SLC5A2: variants seen among roughly 807,000 people sequenced by gnomAD.
The protein encoded by SLC5A2 is solute carrier family 5 member 2.
A neutral mutation model predicts 69.0 loss-of-function variants in SLC5A2; 67 were observed. The observed-to-expected ratio is 0.97, with a 90% CI of 0.80 to 1.19. The LOEUF is 1.19. Among genes scored for constraint, SLC5A2 ranks in the 50% most tolerant of loss-of-function variants. The pLI is 0.00. For missense variants in SLC5A2, 1,001 were observed against 921.5 expected, an observed-to-expected ratio of 1.09 and a Z score of -1.12; for synonymous variants, 455 against 395.8, an observed-to-expected ratio of 1.15 and a Z score of -1.78.
rs765182281 is a variant in SLC5A2, at chr16:31,489,280, G to C, written c.1607G>C (p.Cys536Ser). The C allele has an allele frequency of 4.3e-6, 7 of 1,610,894 alleles. No individual in the cohort carries two copies. Among genetic ancestry groups the C allele is most frequent in the Non-Finnish European group, 5.1e-6 (6 of 1,180,016 alleles). Residue 536 changes from cysteine to serine, a missense_variant, in exon 12 of 14, where the codon TGC (cysteine) becomes TCC (serine). Physicochemically the swap from Cys to Ser is moderately radical, Grantham distance 112. Coordinates refer to ENST00000330498, the MANE Select transcript of SLC5A2 (RefSeq NM_003041.4). ...YLYFAIVLFF[C>S]SGLLTLTVSL... ...TACTTCGCCATTGTGCTGTTCTTCT[G>C]CTCTGGCCTCCTCACCCTCACGGTC...
At chr16:31,490,054 G>A (rs1446706037) in intron 12 of SLC5A2, 50 bp from the exon 13 acceptor site, 3 of 1,610,952 alleles carry the variant, frequency 1.9e-6, no homozygotes, top group African/African-American at 2.7e-5. Context: ...TTTAGGGCCA[G>A]GCATGGGGGG....
rs142276161 is a variant in SLC5A2 at position 31,489,206 on chromosome 16, T to C, written c.1533T>C (p.Cys511=). Residue 511 remains cysteine, a synonymous_variant, in exon 12 of 14, where the codon TGT becomes TGC. Transcript: ENST00000330498. The part of the protein sequence containing the change: ...IPEFSFGSGS[C]VQPSACPAFL... ...AGTTCTCCTTCGGCTCGGGCAGCTG[T>C]GTGCAGCCCTCGGCGTGCCCAGCTT... The C allele has an allele frequency of 1.2e-6, 2 of 1,610,226 alleles. No individual in the cohort carries two copies. The highest frequency in any genetic ancestry group is 1.3e-5 in the African/African-American group (1 of 74,936).
chr16:31,486,005 A>C, intron 4 of SLC5A2, 112 bp downstream of exon 4: 2 of 1,316,002 alleles, frequency 1.5e-6, no homozygotes, highest in Non-Finnish European at 2.2e-6. Context: ...GAGGGTTATG[A>C]TGATGGAGGC....
Position 31,490,081 on chromosome 16 carries a change from G to A in SLC5A2, c.1666-23G>A, listed in dbSNP as rs532838657. 6.2e-6 allele frequency: 10 copies of A among 1,612,802 alleles called. No individual in the cohort carries two copies. The Admixed American group carries it at 6.7e-5, about 11-fold the overall frequency. ...CATGGGGGGACAGAACTCCCACCTCGTTCGTGCTCCCACCCTCCCCAGCTC... is the reference window on the plus strand; with the variant it reads ...CATGGGGGGACAGAACTCCCACCTCATTCGTGCTCCCACCCTCCCCAGCTC... On this transcript the variant is annotated intron_variant, in intron 12 of 13. Coordinates refer to ENST00000330498, the MANE Select transcript of SLC5A2 (RefSeq NM_003041.4).
chr16:31,486,817 C>T (rs1300475388), intron 5 of SLC5A2, among the ~76,000 whole-genome samples: 2 of 152,192 alleles, frequency 1.3e-5, no homozygotes, highest in African/African-American at 2.4e-5. Flanking sequence ...GAGGCCAAGG[C>T]GGGCGGATCA....
Position 31,490,556 on chromosome 16 carries a change from A to C in SLC5A2, c.*21A>C. On this transcript the variant is annotated 3_prime_UTR_variant, in exon 14 of 14. Coordinates refer to ENST00000330498, the MANE Select transcript of SLC5A2 (RefSeq NM_003041.4). ...CCTAAGACCAACTGCGTTGGACACCATAAGCCACAGCCTCACAGGAAGTGG... is the reference window on the plus strand; with the variant it reads ...CCTAAGACCAACTGCGTTGGACACCCTAAGCCACAGCCTCACAGGAAGTGG... 6.3e-7 allele frequency: 1 copy of C among 1,576,318 alleles called. No individual in the cohort carries two copies. Among genetic ancestry groups the C allele is most frequent in the South Asian group, 1.1e-5 (1 of 88,448 alleles).
At position 31,487,476 on chromosome 16, in the gene SLC5A2, G is replaced by A. The variant is rs375729018; in HGVS notation, c.656-54G>A. The A allele has an allele frequency of 1.5e-4, 240 of 1,610,708 alleles. 1 individual carries two copies. The East Asian group carries it at 2.3e-3, about 16-fold the overall frequency. On this transcript the variant is annotated intron_variant, in intron 6 of 13. Transcript: ENST00000330498. Reference sequence around the variant, plus strand: ...CTCGGCCTGCGCGCGGGGCCGTTGCGCGTCTCCGGTCTGAGGGTCCTAAGG... The same window carrying A: ...CTCGGCCTGCGCGCGGGGCCGTTGCACGTCTCCGGTCTGAGGGTCCTAAGG...
chr16:31,488,585 C>T (rs1364005336), intron 9 of SLC5A2, 37 bp from the exon 10 acceptor site: 10 of 1,609,622 alleles, frequency 6.2e-6, no homozygotes, highest in Non-Finnish European at 8.5e-6. Context: ...CCTGGACCCC[C>T]AGTGGCCCCA....
At chr16:31,485,055 T>G (rs1164135293) in intron 3 of SLC5A2, 132 bp downstream of exon 3, 2 of 859,648 alleles carry the variant, frequency 2.3e-6, no homozygotes, top group Admixed American at 2.0e-5. Flanking sequence ...GTGACTGGGC[T>G]GGGAGTGGAG....
chr16:31,490,024 C>T lies in SLC5A2; in HGVS notation c.1666-80C>T, dbSNP rs61661590. ...CAGAGGTGGGTAGGGCAGGCAGTGA[C>T]GAGCTGGTGTGCAAGAGACTTTAGG... is the stretch of plus-strand genomic sequence containing the variant. On this transcript the variant is annotated intron_variant, in intron 12 of 13. Coordinates refer to ENST00000330498, the MANE Select transcript of SLC5A2 (RefSeq NM_003041.4). The T allele has an allele frequency of 1.4e-4, 217 of 1,586,198 alleles. No homozygotes were observed. The African/African-American group carries it at 2.2e-3, about 16-fold the overall frequency.
rs140508520 is a variant in SLC5A2 at position 31,489,318 on chromosome 16, G to A, written c.1645G>A (p.Ala549Thr). The stretch of plus-strand genomic sequence containing the variant: ...CACCCTCACGGTCTCCCTGTGCACC[G>A]CGCCCATCCCCAGAAAGCACGTGAG... ...LLTLTVSLCT[A>T]PIPRKHLHRL... The change falls in exon 12 of 14, where the codon GCG (alanine) becomes ACG (threonine). Residue 549 changes from alanine (A) to threonine (T), a missense_variant. Physicochemically the swap from Ala to Thr is moderately conservative, Grantham distance 58. Coordinates refer to ENST00000330498, the MANE Select transcript of SLC5A2 (RefSeq NM_003041.4). 2.9e-4 allele frequency: 472 copies of A among 1,609,076 alleles called. No homozygotes were observed. Among genetic ancestry groups the A allele is most frequent in the East Asian group, 1.0e-3 (47 of 44,864 alleles).
intron 3 of SLC5A2, 76 bp from the exon 4 acceptor site, chr16:31,485,653 T>A: frequency 1.9e-6 from 3 of 1,579,904 alleles, no homozygotes; most frequent in Non-Finnish European, 2.6e-6. Context: ...TTGCTTGGAG[T>A]AGCACCTTCA....
At chr16:31,486,343 G>T in intron 5 of SLC5A2, 68 bp downstream of exon 5, 1 of 1,249,208 alleles carries the variant, frequency 8.0e-7, no homozygotes. Flanking sequence ...CAGGGTTTAG[G>T]GAGCTGCCAG....
rs1342097642 is a variant in SLC5A2, at chr16:31,488,319, C to T, written c.1022-64C>T. ...CGCCTCCTCTGCTAGGATTCCCAGTCCCCACCTCCTGGGATTCCCAGACCA... is the reference window on the plus strand; with the variant it reads ...CGCCTCCTCTGCTAGGATTCCCAGTTCCCACCTCCTGGGATTCCCAGACCA... On this transcript the variant is annotated intron_variant, in intron 8 of 13. Transcript: ENST00000330498. 8 of 1,594,450 alleles carry T rather than the reference C, an allele frequency of 5.0e-6. No homozygotes were observed. In the East Asian group the frequency reaches 1.6e-4, roughly 31 times the overall value.
intron 3 of SLC5A2, 24 bp from the exon 4 acceptor site, chr16:31,485,705 C>T (rs1274125382): frequency 6.2e-7 from 1 of 1,610,948 alleles, no homozygotes; most frequent in African/African-American, 1.3e-5. Flanking sequence ...AAGCCACCCT[C>T]AGCGGCAGTA....
At chr16:31,484,414 T>C (rs1182052707) in intron 1 of SLC5A2, among the ~76,000 whole-genome samples, 2 of 146,706 alleles carry the variant, frequency 1.4e-5, no homozygotes, top group African/African-American at 2.5e-5. Flanking sequence ...AGAGCAAGAC[T>C]CTGTCTCAAA....
chr16:31,485,786 G>T lies in SLC5A2; in HGVS notation c.361G>T (p.Gly121Trp). ...GTTTGCACCCGTGTACCTGACAGCG[G>T]GGGTCATCACGATGCCACAGTACCT... is the stretch of plus-strand genomic sequence containing the variant. ...WLFAPVYLTA[G>W]VITMPQYLRK... Residue 121 changes from glycine to tryptophan, a missense_variant, in exon 4 of 14, where the codon GGG becomes TGG. Transcript: ENST00000330498. 1 of 1,613,724 alleles carries T rather than the reference G, an allele frequency of 6.2e-7. No individual in the cohort carries two copies. The highest frequency in any genetic ancestry group is 8.5e-7 in the Non-Finnish European group (1 of 1,180,006).
At chr16:31,488,220 C>G in intron 8 of SLC5A2, 47 bp downstream of exon 8, 4 of 1,613,538 alleles carry the variant, frequency 2.5e-6, no homozygotes, top group Non-Finnish European at 3.4e-6. Context: ...ACCGGGCGCC[C>G]GTCGCCCAGT....
Position 31,485,809 on chromosome 16 carries a change from C to T in SLC5A2, c.384C>T (p.Tyr128=), listed in dbSNP as rs1021599696. 1 of 1,613,596 alleles carries T rather than the reference C, an allele frequency of 6.2e-7. No homozygotes were observed. Among genetic ancestry groups the T allele is most frequent in the Non-Finnish European group, 8.5e-7 (1 of 1,180,030 alleles). ...CGGGGGTCATCACGATGCCACAGTA[C>T]CTGCGCAAGCGCTTCGGCGGCCGCC... ...LTAGVITMPQ[Y]LRKRFGGRRI... is the part of the protein sequence containing the mutation. The change falls in exon 4 of 14, where the codon TAC becomes TAT. Residue 128 remains tyrosine, a synonymous_variant. Coordinates refer to ENST00000330498, the MANE Select transcript of SLC5A2 (RefSeq NM_003041.4).
Sources: gnomAD v4.1 joint callset for allele counts (sites outside exome capture counted in the v4.1 genomes callset) on GRCh38, gnomAD v4.1.1 for gene constraint, MANE v1.5 for transcripts, NCBI Gene and HGNC (gene_info 2026-07-23, HGNC 2026-07-21) for gene names.